The following ANAPC7 variants were observed in gnomAD, a reference collection of about 807,000 sequenced individuals.
The protein encoded by ANAPC7 is anaphase promoting complex subunit 7, also known as anaphase-promoting complex subunit 7.
ANAPC7 carries 25 observed loss-of-function variants against 63.3 expected under a neutral mutation model. The ratio of observed to expected loss-of-function variants is 0.39; its 90% CI spans 0.29 to 0.55. ANAPC7 has a LOEUF of 0.55. Ranked by LOEUF, ANAPC7 falls within the 20% of genes least tolerant of loss-of-function variation. The probability of loss-of-function intolerance (pLI) is 0.57; values close to 1 mark genes in which losing one functional copy is unlikely to be tolerated. For synonymous variants in ANAPC7, 241 were observed against 251.7 expected (o/e 0.96, Z 0.40); for missense variants, 516 against 691.7 (o/e 0.75, Z 2.85).
At chr12:110,388,029 A>G (rs1592913529) in intron 4 of ANAPC7, 137 bp from the exon 5 acceptor site, 9 of 891,580 alleles carry the variant, frequency 1.0e-5, no homozygotes, top group South Asian at 3.6e-5. Context: ...GAGAAAAACC[A>G]TAATTTAGTA....
Position 110,381,954 on chromosome 12 carries a change from GAAAAAAAA to G in ANAPC7, c.936-14_936-7del. ...TGCTATAGAAGCTGTGACAGCTGGA[GAAAAAAAA>G]AAAAAAAAAAACACAAAAACCCCAG... On this transcript the variant is annotated splice_polypyrimidine_tract_variant and splice_region_variant and intron_variant, in intron 7 of 10. Coordinates refer to ENST00000455511, the MANE Select transcript of ANAPC7 (RefSeq NM_016238.3). 6 of 975,594 alleles carry G rather than the reference GAAAAAAAA, an allele frequency of 6.2e-6. No homozygotes were observed. The highest frequency in any genetic ancestry group is 4.0e-5 in the East Asian group (1 of 24,884). 60.4% of individuals were successfully genotyped at this position (975,594 alleles called of 1,614,324 possible).
rs59550005 is a variant in ANAPC7, at chr12:110,387,389, G to GAC, written c.674+349_674+350insGT. ...AGACAGAGAGAGAGAGAGACAGAGA[G>GAC]AGAGAGAGAGAGAGAGAGAGAGAGA... On this transcript the variant is annotated intron_variant, in intron 5 of 10. Transcript: ENST00000455511. The GAC allele has an allele frequency of 6.8e-5, 3 of 44,364 alleles. No individual in the cohort carries two copies. The South Asian group carries it at 2.9e-3, about 42-fold the overall frequency. 2.7% of individuals were successfully genotyped at this position (44,364 alleles called of 1,614,324 possible).
intron 6 of ANAPC7, among the ~76,000 whole-genome samples, chr12:110,384,295 G>C (rs1001117315): frequency 2.0e-5 from 3 of 152,144 alleles, no homozygotes; most frequent in African/African-American, 7.2e-5. Flanking sequence ...TACTCAGGGG[G>C]CTAAGGCAGG....
At chr12:110,403,000 C>T (rs891206259) in intron 1 of ANAPC7, among the ~76,000 whole-genome samples, 1 of 152,152 alleles carries the variant, frequency 6.6e-6, no homozygotes, top group African/African-American at 2.4e-5. Flanking sequence ...CCTCGGCCTC[C>T]CAAAGGGCTC....
rs1432446302 is a variant in ANAPC7, at chr12:110,393,991, T to G, written c.408+1110A>C. Among the ~76,000 whole-genome samples the G allele has an allele frequency of 3.6e-5, 5 of 138,022 alleles. No homozygotes were observed. The Admixed American group carries it at 3.7e-4, about 10-fold the overall frequency. The allele number at this position is 138,022 out of a possible 152,430, so 90.5% of individuals were successfully genotyped here. ...TTCGAGACCAGCCTGGCCAACATGG[T>G]GAAACACCATCTCTACTAAAAATAC... On this transcript the variant is annotated intron_variant, in intron 3 of 10. Transcript: ENST00000455511.
chr12:110,390,814 T>C (rs1305852112), intron 3 of ANAPC7, among the ~76,000 whole-genome samples: 1 of 152,238 alleles, frequency 6.6e-6, no homozygotes, highest in African/African-American at 2.4e-5. Flanking sequence ...TGATGGACTA[T>C]CTTTCTCAAC....
At chr12:110,378,600 C>G (rs1881518248) in intron 8 of ANAPC7, 1 of 152,332 alleles carries the variant, frequency 6.6e-6, no homozygotes, top group Non-Finnish European at 1.5e-5. Flanking sequence ...TCCACACCCA[C>G]AGCGAGACGC....
intron 6 of ANAPC7, among the ~76,000 whole-genome samples, chr12:110,385,173 G>A (rs1882344433): frequency 6.6e-6 from 1 of 152,092 alleles, no homozygotes; most frequent in Non-Finnish European, 1.5e-5. Context: ...AGGCTGAGGT[G>A]GGAGAGTCAC....
In ANAPC7 at chr12:110,382,441, T is replaced by TA. The variant is rs137996217; in HGVS notation, c.935+401dup. Among the ~76,000 whole-genome samples, 154 of 53,062 alleles carry TA rather than the reference T, an allele frequency of 2.9e-3. 5 individuals are homozygous for TA. The highest frequency in any genetic ancestry group is 0.02 in the Admixed American group (60 of 2,930). The allele number at this position is 53,062 out of a possible 152,430, so 34.8% of individuals were successfully genotyped here. A position where few individuals can be genotyped will look rare whatever the true frequency, so the allele number is the denominator to read the frequency against. ...TTGAATCCAGGGCTGATTATCCTTT[T>TA]AAAAAAAAAAAAAAAAAAAAATATA... On this transcript the variant is annotated intron_variant, in intron 7 of 10. Transcript: ENST00000455511.
At chr12:110,386,715 AACAT>A in intron 5 of ANAPC7, 1 of 409,540 alleles carries the variant, frequency 2.4e-6, no homozygotes, top group East Asian at 4.6e-5. Flanking sequence ...TTCAGAACAC[AACAT>A]ACGCTACATG....
chr12:110,389,081 T>TAA (rs778746037), intron 3 of ANAPC7, among the ~76,000 whole-genome samples: 2,361 of 97,064 alleles, frequency 0.024, 21 homozygotes, highest in Non-Finnish European at 0.035. Flanking sequence ...GACTCCATCT[T>TAA]AAAAAAAAAA....
chr12:110,376,277 T>C, intron 9 of ANAPC7, 61 bp from the exon 10 acceptor site: 1 of 1,583,876 alleles, frequency 6.3e-7, no homozygotes, highest in South Asian at 1.1e-5. Flanking sequence ...ACTACCATTC[T>C]GACCATCTCT....
intron 8 of ANAPC7, among the ~76,000 whole-genome samples, chr12:110,380,302 G>C (rs1216749082): frequency 6.6e-6 from 1 of 152,086 alleles, no homozygotes; most frequent in East Asian, 1.9e-4. Context: ...AGTGAGCTGA[G>C]ATTGCACCAC....
In ANAPC7 at chr12:110,377,564, C is replaced by A; in HGVS notation, c.1186G>T (p.Ala396Ser). 1 of 1,614,176 alleles carries A rather than the reference C, an allele frequency of 6.2e-7. No individual in the cohort carries two copies. Residue 396 changes from alanine (A) to serine (S), a missense_variant, in exon 9 of 11, where the codon GCT becomes TCT. By Grantham distance (99) the Ala-to-Ser change is moderately conservative. Coordinates refer to ENST00000455511, the MANE Select transcript of ANAPC7 (RefSeq NM_016238.3). ...SNSIREAMVMANNVYKTLGAN... is the reference protein window; with the variant it reads ...SNSIREAMVMSNNVYKTLGAN... Reference sequence around the variant, plus strand: ...CCCAGAGTTTTGTAAACGTTGTTAGCCATTACCATTGCTTCTCGAATACTG... The same window carrying A: ...CCCAGAGTTTTGTAAACGTTGTTAGACATTACCATTGCTTCTCGAATACTG...
intron 6 of ANAPC7, among the ~76,000 whole-genome samples, chr12:110,385,792 A>G (rs954889779): frequency 3.9e-5 from 6 of 152,026 alleles, no homozygotes; most frequent in Non-Finnish European, 8.8e-5. Flanking sequence ...ATTTCCCACT[A>G]TTCCTGAGAA....
chr12:110,392,865 G>A (rs1300584573), intron 3 of ANAPC7, among the ~76,000 whole-genome samples: 1 of 151,914 alleles, frequency 6.6e-6, no homozygotes, highest in African/African-American at 2.4e-5. Context: ...GCACCACGTC[G>A]GCTCACCGCA....
intron 3 of ANAPC7, among the ~76,000 whole-genome samples, chr12:110,390,923 G>T (rs1592918272): frequency 6.6e-6 from 1 of 152,172 alleles, no homozygotes; most frequent in Admixed American, 6.6e-5. Flanking sequence ...CGGGCGCAGT[G>T]GTTCACACCT....
intron 7 of ANAPC7, among the ~76,000 whole-genome samples, chr12:110,382,450 AAAAAAAAAAAAATATATATATAT>A (rs1176575518): frequency 2.5e-5 from 2 of 81,180 alleles, no homozygotes; most frequent in Non-Finnish European, 4.8e-5. Context: ...TTAAAAAAAA[AAAAAAAAAAAAATATATATATAT>A]ATATATATAT....
chr12:110,392,899 G>A (rs1340342027), intron 3 of ANAPC7, among the ~76,000 whole-genome samples: 2 of 152,062 alleles, frequency 1.3e-5, no homozygotes, highest in African/African-American at 2.4e-5. Flanking sequence ...GGGTTCAAGC[G>A]ATTCTCCTGC....
Sources: gnomAD v4.1 joint callset for allele counts (sites outside exome capture counted in the v4.1 genomes callset) on GRCh38, gnomAD v4.1.1 for gene constraint, MANE v1.5 for transcripts, NCBI Gene and HGNC (gene_info 2026-07-23, HGNC 2026-07-21) for gene names.